Variants in TDRD3 observed in about 807,000 individuals in gnomAD.
The protein encoded by TDRD3 is tudor domain containing 3.
TDRD3 carries 45 observed loss-of-function variants against 86.7 expected under a neutral mutation model. That is an observed-to-expected ratio of 0.52 (90% CI 0.41 to 0.67). The LOEUF is 0.67. TDRD3 is among the 30% of genes least tolerant of loss of function. The pLI is 0.00. For synonymous variants in TDRD3, 298 were observed against 301.7 expected, an observed-to-expected ratio of 0.99 and a Z score of 0.13; for missense variants, 814 against 889.0, an observed-to-expected ratio of 0.92 and a Z score of 1.07.
intron 1 of TDRD3, among the ~76,000 whole-genome samples, chr13:60,402,681 A>G (rs1242375763): frequency 2.7e-5 from 4 of 148,718 alleles, no homozygotes; most frequent in African/African-American, 9.9e-5. Flanking sequence ...ACATTAGAGG[A>G]AACCAATTGC....
intron 3 of TDRD3, among the ~76,000 whole-genome samples, chr13:60,454,495 C>T (rs780670603): frequency 6.6e-6 from 1 of 151,944 alleles, no homozygotes; most frequent in Non-Finnish European, 1.5e-5. Context: ...CTGTGAGAAT[C>T]CTGGCCACTT....
At chr13:60,570,782 G>A (rs1958569531) in intron 13 of TDRD3, among the ~76,000 whole-genome samples, 1 of 150,642 alleles carries the variant, frequency 6.6e-6, no homozygotes, top group Non-Finnish European at 1.5e-5. Context: ...AGCCAGATGA[G>A]GGGAACTCTT....
chr13:60,504,119 A>G (rs898060124), intron 8 of TDRD3, among the ~76,000 whole-genome samples: 1 of 152,104 alleles, frequency 6.6e-6, no homozygotes, highest in Non-Finnish European at 1.5e-5. Context: ...TCTTTTTATA[A>G]TTTGCTTAAT....
At chr13:60,419,837 G>C (rs1328078539) in intron 1 of TDRD3, among the ~76,000 whole-genome samples, 1 of 151,736 alleles carries the variant, frequency 6.6e-6, no homozygotes, top group African/African-American at 2.4e-5. Context: ...CAGAAAGGAA[G>C]AAAAGGAATA....
rs377478523 is a variant in TDRD3, at chr13:60,431,399, T to C, written c.42-8289T>C. Among the ~76,000 whole-genome samples, 27 of 152,104 alleles carry C rather than the reference T, an allele frequency of 1.8e-4. 1 individual carries two copies. The East Asian group carries it at 3.3e-3, about 18-fold the overall frequency. On this transcript the variant is annotated intron_variant, in intron 1 of 13. Coordinates refer to ENST00000377881, the MANE Select transcript of TDRD3 (RefSeq NM_001146070.2). ...ACAAAAAGCTATCTAGGTTTAACTT[T>C]TCAGAATTTAAACACTTTTGAATAC...
intron 10 of TDRD3, among the ~76,000 whole-genome samples, chr13:60,522,796 A>T (rs1957318367): frequency 6.6e-6 from 1 of 152,242 alleles, no homozygotes; most frequent in African/African-American, 2.4e-5. Flanking sequence ...GGATTGTGAA[A>T]GAGCCTTTGT....
intron 12 of TDRD3, among the ~76,000 whole-genome samples, chr13:60,555,228 A>G (rs751921365): frequency 6.6e-5 from 10 of 152,198 alleles, no homozygotes; most frequent in Non-Finnish European, 1.3e-4. Flanking sequence ...ATTTAAGCAT[A>G]TTGCACAAAA....
At chr13:60,545,507 CTG>C (rs534024102) in intron 12 of TDRD3, among the ~76,000 whole-genome samples, 18 of 152,178 alleles carry the variant, frequency 1.2e-4, no homozygotes, top group African/African-American at 3.9e-4. Context: ...ATGATTCAAA[CTG>C]TAAAATTTAG....
intron 3 of TDRD3, among the ~76,000 whole-genome samples, chr13:60,454,506 G>A (rs1566203471): frequency 6.6e-6 from 1 of 152,036 alleles, no homozygotes; most frequent in Admixed American, 6.6e-5. Context: ...CTGGCCACTT[G>A]AATCAGAAAT....
chr13:60,464,282 G>C (rs776798210), intron 4 of TDRD3, among the ~76,000 whole-genome samples: 1 of 152,144 alleles, frequency 6.6e-6, no homozygotes, highest in Non-Finnish European at 1.5e-5. Context: ...AGAGAAAGGG[G>C]AATGCTCAAA....
At chr13:60,472,648 A>G (rs1472830116) in intron 5 of TDRD3, among the ~76,000 whole-genome samples, 1 of 152,234 alleles carries the variant, frequency 6.6e-6, no homozygotes, top group Non-Finnish European at 1.5e-5. Context: ...CATATGATCC[A>G]TCAATTCCAC....
chr13:60,488,636 C>T (rs530964402), intron 7 of TDRD3, among the ~76,000 whole-genome samples: 11 of 152,050 alleles, frequency 7.2e-5, no homozygotes, highest in South Asian at 2.1e-4. Flanking sequence ...TGCAGTGGCG[C>T]GATCTTGGCT....
At chr13:60,397,041 C>T (rs1397500953), upstream of TDRD3, 2 of 242,778 alleles carry the variant, frequency 8.2e-6, no homozygotes, top group Non-Finnish European at 1.6e-5. Flanking sequence ...CCCCCCAAAA[C>T]AAGTAAAAGC....
chr13:60,468,111 A>T (rs991396186), intron 5 of TDRD3, among the ~76,000 whole-genome samples: 5 of 152,124 alleles, frequency 3.3e-5, no homozygotes, highest in Admixed American at 1.3e-4. Flanking sequence ...CATAGTTGAG[A>T]TGCTTTTATT....
chr13:60,493,109 G>A (rs1056617955), intron 7 of TDRD3, among the ~76,000 whole-genome samples: 5 of 151,108 alleles, frequency 3.3e-5, no homozygotes, highest in Admixed American at 3.3e-4. Context: ...TAGTAGAAAC[G>A]GGGTTTCACC....
At chr13:60,516,558 C>T (rs1957174335) in intron 10 of TDRD3, among the ~76,000 whole-genome samples, 1 of 152,132 alleles carries the variant, frequency 6.6e-6, no homozygotes, top group South Asian at 2.1e-4. Flanking sequence ...CACCACTAAA[C>T]TCACAGCTCT....
Position 60,422,599 on chromosome 13 carries a change from G to A in TDRD3, c.42-17089G>A, listed in dbSNP as rs202162907. 1.4e-4 allele frequency among the ~76,000 whole-genome samples: 22 copies of A among 152,034 alleles called. No individual in the cohort carries two copies. In the East Asian group the frequency reaches 4.3e-3, roughly 29 times the overall value. Reference sequence around the variant, plus strand: ...TGGACAATAAACAGGGACAAATGGGGGAAAATGTTGATGGAGCTTTGGAAA... The same window carrying A: ...TGGACAATAAACAGGGACAAATGGGAGAAAATGTTGATGGAGCTTTGGAAA... On this transcript the variant is annotated intron_variant, in intron 1 of 13. Coordinates refer to ENST00000377881, the MANE Select transcript of TDRD3 (RefSeq NM_001146070.2).
chr13:60,444,847 CA>C, intron 3 of TDRD3, 99 bp downstream of exon 3: 1 of 600,422 alleles, frequency 1.7e-6, no homozygotes, highest in Non-Finnish European at 2.7e-6. Context: ...ACTGCAATTG[CA>C]AAATACTCTG....
At chr13:60,439,373 G>A (rs909898612) in intron 1 of TDRD3, among the ~76,000 whole-genome samples, 1 of 152,010 alleles carries the variant, frequency 6.6e-6, no homozygotes, top group Non-Finnish European at 1.5e-5. Flanking sequence ...TACTTAAGTC[G>A]AGATTATATT....
Sources: allele counts gnomAD v4.1 joint callset (sites outside exome capture counted in the v4.1 genomes callset), GRCh38; gene constraint gnomAD v4.1.1; transcripts MANE v1.5; gene names NCBI Gene and HGNC (gene_info 2026-07-23, HGNC 2026-07-21).